Variants in GABRB3 observed in about 807,000 individuals in gnomAD.
GABRB3 encodes gamma-aminobutyric acid receptor subunit beta-3.
GABRB3 carries 14 observed loss-of-function variants against 52.1 expected under a neutral mutation model. The observed-to-expected ratio is 0.27, with a 90% CI of 0.18 to 0.42. The LOEUF (loss-of-function observed/expected upper bound fraction) is 0.42. Among genes scored for constraint, GABRB3 ranks in the 10% least tolerant of loss-of-function variants. The probability of loss-of-function intolerance (pLI) is 1.00; values close to 1 mark genes in which losing one functional copy is unlikely to be tolerated. For synonymous variants in GABRB3, 260 were observed against 232.3 expected, an observed-to-expected ratio of 1.12 and a Z score of -1.08; for missense variants, 307 against 609.1, an observed-to-expected ratio of 0.50 and a Z score of 5.22.
At chr15:26,598,282 C>A (rs1891468060) in intron 4 of GABRB3, among the ~76,000 whole-genome samples, 1 of 151,598 alleles carries the variant, frequency 6.6e-6, no homozygotes, top group African/African-American at 2.4e-5. Context: ...TAACCAAGAG[C>A]AAAGCGAAAT....
At position 26,596,500 on chromosome 15, in the gene GABRB3, A is replaced by G. The variant is rs954650551; in HGVS notation, c.462-13086T>C. Among the ~76,000 whole-genome samples the G allele has an allele frequency of 2.6e-5, 4 of 152,260 alleles. No homozygotes were observed. The East Asian group carries it at 7.8e-4, about 30-fold the overall frequency. On this transcript the variant is annotated intron_variant, in intron 4 of 8. Transcript: ENST00000311550. ...GTCAGGGTGGAAAATGTTATTCAAG[A>G]TCTTTTACAAAGTAGCATGCATTTA... is the stretch of plus-strand genomic sequence containing the variant.
chr15:26,688,420 A>G (rs1888474950), intron 3 of GABRB3, among the ~76,000 whole-genome samples: 1 of 152,116 alleles, frequency 6.6e-6, no homozygotes, highest in Admixed American at 6.5e-5. Context: ...TTTTACAATT[A>G]TCTGTCCATG....
chr15:26,615,965 G>A, intron 4 of GABRB3: 1 of 1,289,122 alleles, frequency 7.8e-7, no homozygotes, highest in Non-Finnish European at 1.0e-6. Flanking sequence ...GGAACAGCAG[G>A]AACAACCCCA....
intron 3 of GABRB3, among the ~76,000 whole-genome samples, chr15:26,761,188 T>C (rs7174380): frequency 0.049 from 7,441 of 152,162 alleles, 202 homozygotes; most frequent in Middle Eastern, 0.1. Context: ...AGGTCAGAAG[T>C]TCGAGACCAG....
At chr15:26,669,937 C>T (rs1189674894) in intron 3 of GABRB3, among the ~76,000 whole-genome samples, 1 of 152,226 alleles carries the variant, frequency 6.6e-6, no homozygotes, top group African/African-American at 2.4e-5. Context: ...TCTCCTGATG[C>T]CGTGCACTGC....
intron 7 of GABRB3, among the ~76,000 whole-genome samples, chr15:26,564,712 T>C (rs188797467): frequency 6.6e-6 from 1 of 152,350 alleles, no homozygotes; most frequent in Admixed American, 6.5e-5. Flanking sequence ...ATTTCTCCAA[T>C]GAAAGCCCTC....
chr15:26,580,523 T>C (rs1182269904), intron 5 of GABRB3, 67 bp from the exon 6 acceptor site: 1 of 1,596,898 alleles, frequency 6.3e-7, no homozygotes, highest in African/African-American at 1.3e-5. Context: ...CTAAATAAAC[T>C]ATCATTAACA....
intron 3 of GABRB3, among the ~76,000 whole-genome samples, chr15:26,653,561 G>A (rs551992519): frequency 1.3e-5 from 2 of 152,258 alleles, no homozygotes; most frequent in South Asian, 4.1e-4. Context: ...AGTTTTCAGG[G>A]AGACTGATTT....
chr15:26,733,936 A>C (rs1889997298), intron 3 of GABRB3, among the ~76,000 whole-genome samples: 1 of 152,176 alleles, frequency 6.6e-6, no homozygotes, highest in Non-Finnish European at 1.5e-5. Flanking sequence ...ATGCAAAAGA[A>C]TGAAGGTGGA....
intron 3 of GABRB3, among the ~76,000 whole-genome samples, chr15:26,684,502 G>T (rs1212505676): frequency 6.6e-6 from 1 of 152,138 alleles, no homozygotes; most frequent in Non-Finnish European, 1.5e-5. Context: ...TTGGCTGTTT[G>T]GTGCAAGAAG....
intron 3 of GABRB3, among the ~76,000 whole-genome samples, chr15:26,637,074 C>A (rs1056725770): frequency 4.4e-4 from 67 of 152,298 alleles, no homozygotes; most frequent in Admixed American, 3.4e-3. Flanking sequence ...TGGCTCCCTG[C>A]CTAAGTAAAG....
intron 3 of GABRB3, among the ~76,000 whole-genome samples, chr15:26,648,397 C>CAA (rs1228083631): frequency 6.6e-6 from 1 of 152,182 alleles, no homozygotes; most frequent in African/African-American, 2.4e-5. Flanking sequence ...GCCTGTGGGG[C>CAA]AAACTAGGGA....
rs76106476 is a variant in GABRB3 at position 26,673,290 on chromosome 15, A to G, written c.241-51756T>C. Reference sequence around the variant, plus strand: ...TCTTCCTTAGAGGGTAGATGCAGGCAACTTAGTAACAAGGCTTATTTTAAC... The same window carrying G: ...TCTTCCTTAGAGGGTAGATGCAGGCGACTTAGTAACAAGGCTTATTTTAAC... On this transcript the variant is annotated intron_variant, in intron 3 of 8. Coordinates refer to ENST00000311550, the MANE Select transcript of GABRB3 (RefSeq NM_000814.6). Among the ~76,000 whole-genome samples the G allele has an allele frequency of 6.9e-3, 1,053 of 152,176 alleles. 15 individuals carry two copies. The highest frequency in any genetic ancestry group is 0.025 in the African/African-American group (1,024 of 41,510).
At chr15:26,756,168 G>A (rs1470884792) in intron 3 of GABRB3, among the ~76,000 whole-genome samples, 1 of 151,722 alleles carries the variant, frequency 6.6e-6, no homozygotes, top group Non-Finnish European at 1.5e-5. Context: ...TTTTAATTTT[G>A]GAAAATAATA....
At chr15:26,616,380 TAC>T (rs1420463775) in intron 4 of GABRB3, among the ~76,000 whole-genome samples, 2 of 152,234 alleles carry the variant, frequency 1.3e-5, no homozygotes, top group African/African-American at 4.8e-5. Context: ...TCTCTAGAGC[TAC>T]ATGTTTTTTA....
In GABRB3 at chr15:26,705,807, G is replaced by C. The variant is rs980523112; in HGVS notation, c.240+66595C>G. 5.3e-5 allele frequency among the ~76,000 whole-genome samples: 8 copies of C among 152,214 alleles called. No individual in the cohort carries two copies. The South Asian group carries it at 1.0e-3, about 20-fold the overall frequency. On this transcript the variant is annotated intron_variant, in intron 3 of 8. Coordinates refer to ENST00000311550, the MANE Select transcript of GABRB3 (RefSeq NM_000814.6). Reference sequence around the variant, plus strand: ...CCTTCATGATGGTGATGGTTTCCTGGGTTTTCACAGTTCACCATAGGGTAT... The same window carrying C: ...CCTTCATGATGGTGATGGTTTCCTGCGTTTTCACAGTTCACCATAGGGTAT...
Position 26,683,141 on chromosome 15 carries a change from G to C in GABRB3, c.241-61607C>G, listed in dbSNP as rs184573197. Among the ~76,000 whole-genome samples the C allele has an allele frequency of 2.2e-3, 341 of 152,310 alleles. 2 individuals are homozygous for C. The highest frequency in any genetic ancestry group is 7.7e-3 in the African/African-American group (320 of 41,556). ...ATCAACAAGGCTGCTGGCTGCCAAC[G>C]CTGGATGTTGGTGTGATGCGGATTG... On this transcript the variant is annotated intron_variant, in intron 3 of 8. Coordinates refer to ENST00000311550, the MANE Select transcript of GABRB3 (RefSeq NM_000814.6).
chr15:26,630,040 C>T (rs1892870834), intron 3 of GABRB3, among the ~76,000 whole-genome samples: 2 of 151,676 alleles, frequency 1.3e-5, no homozygotes, highest in South Asian at 4.1e-4. Context: ...TCCACGACCT[C>T]TGCCACCCCA....
intron 3 of GABRB3, among the ~76,000 whole-genome samples, chr15:26,690,582 T>C (rs1395724301): frequency 6.6e-6 from 1 of 151,840 alleles, no homozygotes; most frequent in East Asian, 2.0e-4. Flanking sequence ...GGTGGGGACA[T>C]AGAGCTGGTG....
Sources: gnomAD v4.1 joint callset for allele counts (sites outside exome capture counted in the v4.1 genomes callset) on GRCh38, gnomAD v4.1.1 for gene constraint, MANE v1.5 for transcripts, NCBI Gene and HGNC (gene_info 2026-07-23, HGNC 2026-07-21) for gene names.